The following TF variants were observed in gnomAD, a reference collection of about 807,000 sequenced individuals.
TF encodes the protein serotransferrin.
TF carries 55 observed loss-of-function variants against 82.4 expected under a neutral mutation model. That is an observed-to-expected ratio of 0.67 (90% confidence interval 0.54 to 0.84). TF has a LOEUF of 0.84. Among genes scored for constraint, TF ranks in the 40% least tolerant of loss-of-function variants. TF has a pLI of 0.00. For missense variants in TF, 737 were observed against 868.4 expected (o/e 0.85, Z 1.90); for synonymous variants, 332 against 332.6 (o/e 1.00, Z 0.02).
the TF span, among the ~76,000 whole-genome samples, chr3:133,687,004 A>T: frequency 2.0e-5 from 3 of 152,378 alleles, no homozygotes; most frequent in East Asian, 5.8e-4. Context: ...ACCATGGAAT[A>T]CTATGCAGCC....
upstream of TF, among the ~76,000 whole-genome samples, chr3:133,744,328 G>A (rs908481655): frequency 2.0e-5 from 3 of 152,194 alleles, no homozygotes; most frequent in African/African-American, 7.2e-5. Flanking sequence ...GCTTCCCTGA[G>A]TTTGTGGCAT....
intron 12 of TF, 140 bp from the exon 13 acceptor site, chr3:133,767,889 G>T: frequency 5.7e-6 from 6 of 1,046,120 alleles, no homozygotes; most frequent in Non-Finnish European, 8.8e-6. Flanking sequence ...AGCCTGGCAA[G>T]TCCTGGGTTG....
rs759490486 is a variant in TF at position 133,756,305 on chromosome 3, A to G, written c.659A>G (p.Asp220Gly). ...AFKCLKDGAG[D>G]VAFVKHSTIF... ...AGGTGTCTGAAGGATGGTGCTGGGG[A>G]TGTGGCCTTTGTCAAGCACTCGACT... The change falls in exon 6 of 17, where the codon GAT becomes GGT. Residue 220 changes from aspartate to glycine, a missense_variant. By Grantham distance (94) the Asp-to-Gly change is moderately conservative. Transcript: ENST00000402696. 1.2e-6 allele frequency: 2 copies of G among 1,614,038 alleles called. No homozygotes were observed.
At chr3:133,698,273 T>C in the TF span, among the ~76,000 whole-genome samples, 2 of 152,244 alleles carry the variant, frequency 1.3e-5, no homozygotes, top group Admixed American at 1.3e-4. Context: ...TATTTGTGCA[T>C]TTTCTTCAAT....
At chr3:133,748,992 T>A (rs1039310123) in intron 2 of TF, among the ~76,000 whole-genome samples, 5 of 151,974 alleles carry the variant, frequency 3.3e-5, no homozygotes, top group African/African-American at 1.2e-4. Flanking sequence ...AAACCCCATC[T>A]CTACTAAAAA....
chr3:133,759,131 C>T, intron 8 of TF, 44 bp from the exon 9 acceptor site: 2 of 1,613,272 alleles, frequency 1.2e-6, no homozygotes, highest in Non-Finnish European at 1.7e-6. Context: ...CACCAGGCAA[C>T]AGCTAGGGCC....
At chr3:133,755,553 G>C in intron 5 of TF, 58 bp downstream of exon 5, 1 of 1,609,976 alleles carries the variant, frequency 6.2e-7, no homozygotes, top group Non-Finnish European at 8.5e-7. Flanking sequence ...CTCAGGGTGA[G>C]AGTTCTTTGC....
At chr3:133,749,260 G>A (rs746280741) in intron 2 of TF, among the ~76,000 whole-genome samples, 3 of 152,210 alleles carry the variant, frequency 2.0e-5, no homozygotes, top group Non-Finnish European at 4.4e-5. Flanking sequence ...GATGCATGCA[G>A]GGGGAAGAGT....
intron 1 of TF, chr3:133,748,100 A>G: frequency 2.3e-6 from 1 of 432,766 alleles, no homozygotes; most frequent in Non-Finnish European, 4.3e-6. Flanking sequence ...GCCAGGGGCC[A>G]GGACAGTGAT....
chr3:133,664,137 A>G, the TF span, among the ~76,000 whole-genome samples: 1 of 152,272 alleles, frequency 6.6e-6, no homozygotes, highest in Non-Finnish European at 1.5e-5. Flanking sequence ...CACTTGGGGT[A>G]GGGCTAGCAA....
rs139122360 is a variant in TF, at chr3:133,777,238, T to C, written c.2062T>C (p.Ser688Pro). 8.1e-6 allele frequency: 13 copies of C among 1,611,440 alleles called. No homozygotes were observed. In the African/African-American group the frequency reaches 1.7e-4, roughly 22 times the overall value. ...TAACCTGAGAAAATGCTCCACCTCA[T>C]GTGAGTAGGAGGAACAGCATGGGGA... is the stretch of plus-strand genomic sequence containing the variant. The part of the protein sequence containing the change: ...VGNLRKCSTS[S>P]LLEACTFRRP Residue 688 changes from serine to proline, a missense_variant and splice_region_variant, in exon 16 of 17, where the codon TCA becomes CCA. Ser to Pro is a moderately conservative substitution (Grantham distance 74). Coordinates refer to ENST00000402696, the MANE Select transcript of TF (RefSeq NM_001063.4).
the TF span, among the ~76,000 whole-genome samples, chr3:133,667,215 A>T: frequency 2.7e-5 from 4 of 150,914 alleles, no homozygotes; most frequent in Non-Finnish European, 4.4e-5. Flanking sequence ...AAATTAACTG[A>T]GTGTGGAGGA....
At chr3:133,670,918 C>T in the TF span, among the ~76,000 whole-genome samples, 5 of 152,120 alleles carry the variant, frequency 3.3e-5, no homozygotes, top group Non-Finnish European at 7.4e-5. Context: ...AGAAGCCAGC[C>T]GAACTGATGG....
chr3:133,691,035 G>T, the TF span, among the ~76,000 whole-genome samples: 46,513 of 151,506 alleles, frequency 0.31, 7,490 homozygotes, highest in East Asian at 0.48. Context: ...AATATATATT[G>T]TAAAATATTT....
rs1197567859 is a variant in TF at position 133,787,166 on chromosome 3, A to G, written c.*8546A>G. ...TGGACAAATGAGTCCTAATTTTGCA[A>G]CATTTGGTCTCTAGATGTTTAAGAA... On this transcript the variant is annotated 3_prime_UTR_variant, in exon 17 of 17. Coordinates refer to ENST00000402696, the MANE Select transcript of TF (RefSeq NM_001063.4). The G allele has an allele frequency of 6.6e-6, 1 of 152,184 alleles. No individual in the cohort carries two copies. Among genetic ancestry groups the G allele is most frequent in the African/African-American group, 2.4e-5 (1 of 41,448 alleles). 9.4% of individuals were successfully genotyped at this position (152,184 alleles called of 1,614,324 possible). A position where few individuals can be genotyped will look rare whatever the true frequency, so the allele number is the denominator to read the frequency against.
At chr3:133,662,916 G>A in the TF span, among the ~76,000 whole-genome samples, 8 of 152,094 alleles carry the variant, frequency 5.3e-5, no homozygotes, top group African/African-American at 1.7e-4. Flanking sequence ...AGATAGTAAT[G>A]AGCAGCTTGA....
chr3:133,695,307 G>A, the TF span, among the ~76,000 whole-genome samples: 1 of 149,316 alleles, frequency 6.7e-6, no homozygotes, highest in African/African-American at 2.5e-5. Flanking sequence ...GAGTGCAGTG[G>A]CATGATCTCG....
chr3:133,672,493 T>C, the TF span, among the ~76,000 whole-genome samples: 1 of 147,666 alleles, frequency 6.8e-6, no homozygotes, highest in Non-Finnish European at 1.5e-5. Flanking sequence ...AGTTCAGCAA[T>C]ATGTAAAAAA....
the TF span, among the ~76,000 whole-genome samples, chr3:133,730,382 T>A: frequency 6.6e-6 from 1 of 152,222 alleles, no homozygotes; most frequent in Admixed American, 6.5e-5. Context: ...TCTGGAAGAC[T>A]CTCCCCTGGA....
Sources: allele counts gnomAD v4.1 joint callset (sites outside exome capture counted in the v4.1 genomes callset), GRCh38; gene constraint gnomAD v4.1.1; transcripts MANE v1.5; gene names NCBI Gene and HGNC (gene_info 2026-07-23, HGNC 2026-07-21).